Variants in IL13RA1 observed in about 807,000 individuals in gnomAD.
The protein encoded by IL13RA1 is interleukin-13 receptor subunit alpha-1.
Under a neutral mutation model 33.8 loss-of-function variants are expected in IL13RA1, and 14 were observed. That is an observed-to-expected ratio of 0.41 (90% CI 0.27 to 0.65). IL13RA1 has a LOEUF of 0.65. Ranked by LOEUF, IL13RA1 falls within the 30% of genes least tolerant of loss-of-function variation. The probability of loss-of-function intolerance (pLI) is 0.28; values close to 1 mark genes in which losing one functional copy is unlikely to be tolerated. For missense variants in IL13RA1, 313 were observed against 327.0 expected (o/e 0.96, Z 0.33); for synonymous variants, 116 against 115.7 (o/e 1.00, Z -0.02).
intron 8 of IL13RA1, chrX:118,770,239 G>A (rs754730821): frequency 3.4e-4 from 106 of 309,349 alleles, no homozygotes; most frequent in Non-Finnish European, 6.0e-4. Flanking sequence ...CACCCACTGC[G>A]CCGCCTGCCC....
downstream of IL13RA1, among the ~76,000 whole-genome samples, chrX:118,796,253 G>A (rs948176974): frequency 7.1e-5 from 8 of 112,197 alleles, no homozygotes; most frequent in African/African-American, 2.3e-4. Context: ...GTTAGGTTGT[G>A]TTGTTAACGT....
At chrX:118,765,095 C>T (rs954496842) in intron 6 of IL13RA1, among the ~76,000 whole-genome samples, 6 of 110,477 alleles carry the variant, frequency 5.4e-5, no homozygotes, top group East Asian at 2.8e-4. Flanking sequence ...TTATATAGAA[C>T]GTACTTTTTT....
rs924289333 is a variant in IL13RA1, at chrX:118,793,754, C to G, written c.*1900C>G. 1 of 111,944 alleles carries G rather than the reference C, an allele frequency of 8.9e-6. No individual in the cohort carries two copies. Among genetic ancestry groups the G allele is most frequent in the Non-Finnish European group, 1.9e-5 (1 of 53,179 alleles). 9.2% of individuals were successfully genotyped at this position (111,944 alleles called of 1,213,427 possible). A position where few individuals can be genotyped will look rare whatever the true frequency, so the allele number is the denominator to read the frequency against. ...GGGGAGGGGAGATAAGAAACCCTCA[C>G]TCTCTACAGGTTTGGGTACAAGTGG... On this transcript the variant is annotated 3_prime_UTR_variant, in exon 11 of 11. Transcript: ENST00000371666.
chrX:118,774,768 C>T (rs770997198), intron 9 of IL13RA1, among the ~76,000 whole-genome samples: 1 of 111,970 alleles, frequency 8.9e-6, no homozygotes, highest in East Asian at 2.8e-4. Context: ...TTCTCTATCT[C>T]ATTATAGGAC....
At chrX:118,760,808 A>G (rs1317562528) in intron 5 of IL13RA1, among the ~76,000 whole-genome samples, 7 of 112,181 alleles carry the variant, frequency 6.2e-5, no homozygotes, top group African/African-American at 2.3e-4. Context: ...ACCAAAATCC[A>G]TGGATGCTCA....
chrX:118,748,213 A>T (rs749791787), intron 3 of IL13RA1, among the ~76,000 whole-genome samples: 3 of 104,711 alleles, frequency 2.9e-5, no homozygotes, highest in Non-Finnish European at 5.8e-5. Context: ...CCTTAGCTCT[A>T]TGTGCCCTTT....
chrX:118,788,604 A>G (rs1198486357), intron 10 of IL13RA1, among the ~76,000 whole-genome samples: 3 of 111,622 alleles, frequency 2.7e-5, no homozygotes, highest in Non-Finnish European at 5.6e-5. Context: ...CATTTTCAGG[A>G]AAAGTTAGTC....
chrX:118,795,881 ACT>A (rs1428524715), downstream of IL13RA1, among the ~76,000 whole-genome samples: 1 of 112,100 alleles, frequency 8.9e-6, no homozygotes, highest in Non-Finnish European at 1.9e-5. Flanking sequence ...TATTTCAGAG[ACT>A]CTGTTTTCTT....
intron 4 of IL13RA1, among the ~76,000 whole-genome samples, chrX:118,750,694 A>G (rs1472012818): frequency 1.8e-5 from 2 of 111,308 alleles, no homozygotes; most frequent in African/African-American, 6.5e-5. Flanking sequence ...TTTAATGCCA[A>G]ACTGTTTTCT....
chrX:118,737,176 T>C (rs1793121265), intron 1 of IL13RA1, among the ~76,000 whole-genome samples: 1 of 112,092 alleles, frequency 8.9e-6, no homozygotes, highest in African/African-American at 3.2e-5. Flanking sequence ...GAGGACAGAG[T>C]ACTTCTGCCC....
intron 3 of IL13RA1, 56 bp downstream of exon 3, chrX:118,747,148 A>G (rs766878464): frequency 1.3e-6 from 1 of 751,177 alleles, no homozygotes; most frequent in Non-Finnish European, 2.0e-6. Flanking sequence ...GAATGCTCCA[A>G]TGCTTTTGTG....
intron 4 of IL13RA1, among the ~76,000 whole-genome samples, chrX:118,750,166 A>G (rs1471457710): frequency 1.8e-5 from 2 of 110,937 alleles, no homozygotes; most frequent in African/African-American, 3.3e-5. Flanking sequence ...GTTGTATGCA[A>G]TTTTATCACA....
chrX:118,769,410 A>G (rs1382631308), intron 8 of IL13RA1, among the ~76,000 whole-genome samples: 1 of 112,680 alleles, frequency 8.9e-6, no homozygotes, highest in Non-Finnish European at 1.9e-5. Flanking sequence ...CGGATGACTT[A>G]CTAAACCTCT....
At chrX:118,760,790 C>G (rs946590133) in intron 5 of IL13RA1, among the ~76,000 whole-genome samples, 1 of 111,825 alleles carries the variant, frequency 8.9e-6, no homozygotes, top group African/African-American at 3.3e-5. Context: ...CCAGGAACTT[C>G]CAAGGATACC....
At chrX:118,801,998 T>A in the IL13RA1 span, among the ~76,000 whole-genome samples, 2 of 111,453 alleles carry the variant, frequency 1.8e-5, no homozygotes, top group Non-Finnish European at 3.8e-5. Context: ...ATCCCTGGGG[T>A]AGATGAGAAC....
At chrX:118,800,342 G>C in the IL13RA1 span, among the ~76,000 whole-genome samples, 6 of 110,589 alleles carry the variant, frequency 5.4e-5, no homozygotes, top group Non-Finnish European at 1.1e-4. Flanking sequence ...GGTCCACGCT[G>C]CTTTTATGAG....
At chrX:118,772,388 C>A (rs1472371394) in intron 8 of IL13RA1, among the ~76,000 whole-genome samples, 1 of 112,417 alleles carries the variant, frequency 8.9e-6, no homozygotes, top group Non-Finnish European at 1.9e-5. Flanking sequence ...ATATTTGAAA[C>A]AATGCTAAGG....
At chrX:118,784,090 A>AAAAATATATATATAT (rs1556372973) in intron 10 of IL13RA1, among the ~76,000 whole-genome samples, 2 of 63,959 alleles carry the variant, frequency 3.1e-5, no homozygotes, top group African/African-American at 7.4e-5. Flanking sequence ...AAAAAAAAAA[A>AAAAATATATATATAT]ATATATATAT....
At chrX:118,802,736 G>GA in the IL13RA1 span, among the ~76,000 whole-genome samples, 1 of 111,861 alleles carries the variant, frequency 8.9e-6, no homozygotes, top group African/African-American at 3.2e-5. Flanking sequence ...GAAAATGGGG[G>GA]AAAAAACAGA....
Sources: allele counts gnomAD v4.1 joint callset (sites outside exome capture counted in the v4.1 genomes callset), GRCh38; gene constraint gnomAD v4.1.1; transcripts MANE v1.5; gene names NCBI Gene and HGNC (gene_info 2026-07-23, HGNC 2026-07-21).